PCDHA5: variants seen among roughly 807,000 people sequenced by gnomAD.
The protein encoded by PCDHA5 is protocadherin alpha-5.
PCDHA5 carries 43 observed loss-of-function variants against 61.6 expected under a neutral mutation model. The observed-to-expected ratio is 0.70, with a 90% CI of 0.55 to 0.90. The LOEUF (loss-of-function observed/expected upper bound fraction) is 0.90. Ranked by LOEUF, PCDHA5 falls within the 40% of genes least tolerant of loss-of-function variation. The pLI, the probability that PCDHA5 is intolerant of heterozygous loss-of-function variation, is 0.00. For synonymous variants in PCDHA5, 627 were observed against 543.9 expected (o/e 1.15, Z -2.13); for missense variants, 1,298 against 1,222.7 (o/e 1.06, Z -0.92).
chr5:140,891,637 G>A (rs1245368138), intron 1 of PCDHA5, among the ~76,000 whole-genome samples: 1 of 151,912 alleles, frequency 6.6e-6, no homozygotes, highest in East Asian at 1.9e-4. Context: ...TGCTCTTTGG[G>A]CTTTATTGTG....
intron 3 of PCDHA5, among the ~76,000 whole-genome samples, chr5:140,987,224 A>T (rs28567024): frequency 4.6e-5 from 7 of 152,044 alleles, no homozygotes; most frequent in East Asian, 1.9e-4. Context: ...AAAAAAAAAA[A>T]AAATAATAAA....
chr5:140,851,627 C>G (rs1278178767), intron 1 of PCDHA5: 1 of 918,180 alleles, frequency 1.1e-6, no homozygotes, highest in Admixed American at 6.3e-5. Context: ...GCTTTTTAAA[C>G]AAGTGTTTCC....
chr5:140,864,096 T>A (rs1459291547), intron 1 of PCDHA5: 1 of 152,388 alleles, frequency 6.6e-6, no homozygotes, highest in South Asian at 2.1e-4. Context: ...TTGATAAGTA[T>A]AATGATAATA....
rs577872820 is a variant in PCDHA5, at chr5:140,862,061, T to G, written c.2352+37934T>G. Reference sequence around the variant, plus strand: ...AACCGTCACATTGTTTCTTTGCAACTGATGTCTCCCCTAACATAGAAGCCC... The same window carrying G: ...AACCGTCACATTGTTTCTTTGCAACGGATGTCTCCCCTAACATAGAAGCCC... On this transcript the variant is annotated intron_variant, in intron 1 of 3. Coordinates refer to ENST00000529859, the MANE Select transcript of PCDHA5 (RefSeq NM_018908.3). 26 of 155,902 alleles carry G rather than the reference T, an allele frequency of 1.7e-4. No homozygotes were observed. In the South Asian group the frequency reaches 2.8e-3, roughly 17 times the overall value. 9.7% of individuals were successfully genotyped at this position (155,902 alleles called of 1,614,324 possible).
intron 1 of PCDHA5, among the ~76,000 whole-genome samples, chr5:140,932,700 A>G (rs1584752908): frequency 6.6e-6 from 1 of 151,992 alleles, no homozygotes; most frequent in East Asian, 1.9e-4. Flanking sequence ...AAAAACTCAT[A>G]TAGACAACAC....
At chr5:140,925,108 G>GAAGGAA (rs2082318586) in intron 1 of PCDHA5, among the ~76,000 whole-genome samples, 1 of 124,702 alleles carries the variant, frequency 8.0e-6, no homozygotes, top group African/African-American at 3.3e-5. Context: ...GAAGGAAGGA[G>GAAGGAA]GGAAGGAAGG....
intron 1 of PCDHA5, chr5:140,877,450 A>G (rs1406485859): frequency 1.9e-6 from 3 of 1,613,636 alleles, no homozygotes; most frequent in Non-Finnish European, 2.5e-6. Flanking sequence ...GCCCGCGCTG[A>G]CGTCCACGGC....
chr5:140,959,408 A>C (rs1554224058), intron 1 of PCDHA5, among the ~76,000 whole-genome samples: 2 of 152,124 alleles, frequency 1.3e-5, no homozygotes, highest in Non-Finnish European at 1.5e-5. Context: ...TAAAGTGTTG[A>C]TTGATCTGAG....
At chr5:140,860,638 CGAA>C (rs2046489260) in intron 1 of PCDHA5, 1 of 152,104 alleles carries the variant, frequency 6.6e-6, no homozygotes, top group African/African-American at 2.4e-5. Context: ...GAATCAGGAA[CGAA>C]GAAGATAAGT....
chr5:140,981,687 A>T (rs1283182396), intron 2 of PCDHA5, among the ~76,000 whole-genome samples: 1 of 151,972 alleles, frequency 6.6e-6, no homozygotes, highest in Non-Finnish European at 1.5e-5. Flanking sequence ...CCTCCCTTCC[A>T]TCATTCATTC....
At chr5:141,006,216 A>T (rs6897376) in intron 3 of PCDHA5, among the ~76,000 whole-genome samples, 45,154 of 145,800 alleles carry the variant, frequency 0.31, 6,982 homozygotes, top group East Asian at 0.44. Context: ...ATTTTTTTTT[A>T]AATTTTTTAT....
At chr5:140,871,176 GCT>G in intron 1 of PCDHA5, 6 of 1,613,534 alleles carry the variant, frequency 3.7e-6, no homozygotes, top group Non-Finnish European at 5.1e-6. Context: ...CAGAGGCTGC[GCT>G]GGTGGATGTC....
intron 3 of PCDHA5, among the ~76,000 whole-genome samples, chr5:140,988,180 G>C (rs2097285964): frequency 1.3e-5 from 2 of 152,134 alleles, no homozygotes; most frequent in Admixed American, 1.3e-4. Context: ...TGACAGTCCT[G>C]GGAGGTGTGT....
At chr5:140,889,218 G>T (rs1163027011) in intron 1 of PCDHA5, among the ~76,000 whole-genome samples, 1 of 151,574 alleles carries the variant, frequency 6.6e-6, no homozygotes, top group Non-Finnish European at 1.5e-5. Flanking sequence ...AAGAAGAATA[G>T]TCTTTGAAAA....
rs2150114545 is a variant in PCDHA5 at position 140,822,202 on chromosome 5, G to C, written c.427G>C (p.Glu143Gln). 2 of 1,614,238 alleles carry C rather than the reference G, an allele frequency of 1.2e-6. No homozygotes were observed. Among genetic ancestry groups the C allele is most frequent in the Admixed American group, 3.3e-5 (2 of 60,034 alleles). Residue 143 changes from glutamate to glutamine, a missense_variant, in exon 1 of 4, where the codon GAG becomes CAG. By Grantham distance (29) the Glu-to-Gln change is conservative. Transcript: ENST00000529859. ...ACAAGAACAAAGATTATTCATTTTAGAGTCAAGAATGCCAGATTCGCGGTT... is the reference window on the plus strand; with the variant it reads ...ACAAGAACAAAGATTATTCATTTTACAGTCAAGAATGCCAGATTCGCGGTT... ...SRQEQRLFIL[E>Q]SRMPDSRFPL... is the part of the protein sequence containing the mutation.
chr5:141,005,691 A>G (rs1481537036), intron 3 of PCDHA5, among the ~76,000 whole-genome samples: 1 of 134,408 alleles, frequency 7.4e-6, no homozygotes, highest in Non-Finnish European at 1.6e-5. Flanking sequence ...GACAGAGCGA[A>G]ACTCCGTCTC....
intron 3 of PCDHA5, among the ~76,000 whole-genome samples, chr5:141,003,043 C>T (rs2098108698): frequency 6.6e-6 from 1 of 152,198 alleles, no homozygotes; most frequent in Non-Finnish European, 1.5e-5. Flanking sequence ...CCCTCCTGGC[C>T]TTAACAGAAC....
At chr5:140,944,134 A>G (rs890508296) in intron 1 of PCDHA5, among the ~76,000 whole-genome samples, 1 of 152,122 alleles carries the variant, frequency 6.6e-6, no homozygotes, top group East Asian at 1.9e-4. Context: ...GAAAAGGTTG[A>G]AGATTAGAAG....
intron 1 of PCDHA5, chr5:140,848,587 T>C (rs2150413508): frequency 6.3e-7 from 1 of 1,594,838 alleles, no homozygotes; most frequent in Non-Finnish European, 8.6e-7. Flanking sequence ...AGCGGCCAGC[T>C]CCACTACTCC....
Sources: allele counts gnomAD v4.1 joint callset (sites outside exome capture counted in the v4.1 genomes callset), GRCh38; gene constraint gnomAD v4.1.1; transcripts MANE v1.5; gene names NCBI Gene and HGNC (gene_info 2026-07-23, HGNC 2026-07-21).